The following NEGR1 variants were observed in gnomAD, a reference collection of about 807,000 sequenced individuals.
The protein encoded by NEGR1 is IgLON family member 4.
NEGR1 carries 10 observed loss-of-function variants against 40.9 expected under a neutral mutation model. The observed-to-expected ratio is 0.24, with a 90% CI of 0.15 to 0.42. The LOEUF (loss-of-function observed/expected upper bound fraction) is 0.42. NEGR1 is among the 10% of genes least tolerant of loss of function. The pLI, the probability that NEGR1 is intolerant of heterozygous loss-of-function variation, is 1.00. For synonymous variants in NEGR1, 185 were observed against 166.8 expected (o/e 1.11, Z -0.84); for missense variants, 352 against 438.9 (o/e 0.80, Z 1.77).
At chr1:72,260,212 T>C (rs1182314481) in intron 1 of NEGR1, among the ~76,000 whole-genome samples, 2 of 152,054 alleles carry the variant, frequency 1.3e-5, no homozygotes, top group East Asian at 1.9e-4. Context: ...CTTTGAAATC[T>C]GTGAACTTAA....
At chr1:72,271,835 T>C (rs1655854829) in intron 1 of NEGR1, among the ~76,000 whole-genome samples, 1 of 151,824 alleles carries the variant, frequency 6.6e-6, no homozygotes, top group African/African-American at 2.4e-5. Context: ...ATTCTCATGA[T>C]AATGAATAAG....
intron 1 of NEGR1, among the ~76,000 whole-genome samples, chr1:72,071,814 G>A (rs1272252754): frequency 6.6e-6 from 1 of 152,004 alleles, no homozygotes; most frequent in Non-Finnish European, 1.5e-5. Context: ...TTCAAACACT[G>A]TCCTCAAAAT....
intron 3 of NEGR1, among the ~76,000 whole-genome samples, chr1:71,741,116 C>T (rs4147264): frequency 0.38 from 57,453 of 152,046 alleles, 11,230 homozygotes; most frequent in East Asian, 0.6. Flanking sequence ...TATACCAAAT[C>T]TCAGAGCATT....
In NEGR1 at chr1:71,593,024, T is replaced by C. The variant is rs1200411675; in HGVS notation, c.789-56A>G. The C allele has an allele frequency of 2.2e-6, 3 of 1,352,534 alleles. No individual in the cohort carries two copies. The African/African-American group carries it at 4.3e-5, about 19-fold the overall frequency. 83.8% of individuals were successfully genotyped at this position (1,352,534 alleles called of 1,614,324 possible). A position where few individuals can be genotyped will look rare whatever the true frequency, so the allele number is the denominator to read the frequency against. On this transcript the variant is annotated intron_variant, in intron 5 of 6. Coordinates refer to ENST00000357731, the MANE Select transcript of NEGR1 (RefSeq NM_173808.3). Reference sequence around the variant, plus strand: ...TGTATTGTGAATACCAGTTTCATTTTTTTATCTTAGCTGGGGTTGTCATGG... The same window carrying C: ...TGTATTGTGAATACCAGTTTCATTTCTTTATCTTAGCTGGGGTTGTCATGG...
intron 6 of NEGR1, among the ~76,000 whole-genome samples, chr1:71,510,379 C>A (rs1224046503): frequency 6.6e-6 from 1 of 151,854 alleles, no homozygotes; most frequent in Admixed American, 6.6e-5. Flanking sequence ...AAAATGAGAC[C>A]AAAGAAAGTA....
chr1:71,452,839 C>T (rs74089361), intron 6 of NEGR1, among the ~76,000 whole-genome samples: 5,242 of 150,998 alleles, frequency 0.035, 319 homozygotes, highest in African/African-American at 0.12. Context: ...CAACAGATAA[C>T]AGTGCCACCT....
At chr1:72,126,988 C>T (rs968118405) in intron 1 of NEGR1, among the ~76,000 whole-genome samples, 1 of 152,192 alleles carries the variant, frequency 6.6e-6, no homozygotes, top group Admixed American at 6.5e-5. Flanking sequence ...TGGAGGGAGT[C>T]ACTATCTGTC....
chr1:72,073,165 A>G (rs1165188649), intron 1 of NEGR1, among the ~76,000 whole-genome samples: 2 of 152,104 alleles, frequency 1.3e-5, no homozygotes, highest in African/African-American at 4.8e-5. Flanking sequence ...GAGTCAGGAT[A>G]GGCCTTCATA....
intron 3 of NEGR1, among the ~76,000 whole-genome samples, chr1:71,726,038 T>A (rs907237899): frequency 6.6e-6 from 1 of 152,162 alleles, no homozygotes; most frequent in African/African-American, 2.4e-5. Context: ...ATACTGATGC[T>A]TGGAAAGAAT....
intron 1 of NEGR1, among the ~76,000 whole-genome samples, chr1:71,994,193 T>A (rs865836192): frequency 3.3e-5 from 5 of 152,158 alleles, no homozygotes; most frequent in African/African-American, 7.2e-5. Context: ...CTTTTAGAAT[T>A]ATGAGCCTAA....
intron 1 of NEGR1, among the ~76,000 whole-genome samples, chr1:72,188,010 A>C (rs1652673120): frequency 6.6e-6 from 1 of 151,410 alleles, no homozygotes; most frequent in Non-Finnish European, 1.5e-5. Context: ...GAAGAGTTTA[A>C]TACTCTCACC....
At chr1:72,276,539 T>C (rs1240865589) in intron 1 of NEGR1, among the ~76,000 whole-genome samples, 1 of 152,190 alleles carries the variant, frequency 6.6e-6, no homozygotes, top group Non-Finnish European at 1.5e-5. Context: ...ACTGAAATTA[T>C]TAAATGATAT....
intron 2 of NEGR1, among the ~76,000 whole-genome samples, chr1:71,835,191 A>G (rs1658984653): frequency 6.6e-6 from 1 of 152,106 alleles, no homozygotes; most frequent in Non-Finnish European, 1.5e-5. Context: ...GAGAAAAATA[A>G]ATGTCCCCAG....
At chr1:71,454,140 C>T (rs897420626) in intron 6 of NEGR1, among the ~76,000 whole-genome samples, 1 of 152,060 alleles carries the variant, frequency 6.6e-6, no homozygotes, top group Admixed American at 6.6e-5. Context: ...TATTCTCCAC[C>T]CACCTTAACA....
At chr1:71,457,590 C>T (rs982590583) in intron 6 of NEGR1, among the ~76,000 whole-genome samples, 14 of 152,150 alleles carry the variant, frequency 9.2e-5, no homozygotes, top group African/African-American at 2.7e-4. Flanking sequence ...GCGAATTCAG[C>T]GAGGACATTA....
chr1:71,505,635 G>A (rs925008397), intron 6 of NEGR1, among the ~76,000 whole-genome samples: 2 of 152,156 alleles, frequency 1.3e-5, no homozygotes, highest in African/African-American at 4.8e-5. Context: ...TCAGTGTGGT[G>A]GATCTAAACG....
intron 2 of NEGR1, among the ~76,000 whole-genome samples, chr1:71,807,108 G>C (rs753810527): frequency 3.9e-5 from 6 of 151,904 alleles, no homozygotes; most frequent in Non-Finnish European, 7.4e-5. Flanking sequence ...GTGTTAGCCA[G>C]GATGGTCTCA....
chr1:71,896,363 T>C (rs1225309367), intron 2 of NEGR1, among the ~76,000 whole-genome samples: 1 of 152,206 alleles, frequency 6.6e-6, no homozygotes, highest in African/African-American at 2.4e-5. Context: ...GGAATTTCTA[T>C]TCAAATTATT....
At chr1:71,726,118 G>A (rs1021822526) in intron 3 of NEGR1, among the ~76,000 whole-genome samples, 3 of 152,118 alleles carry the variant, frequency 2.0e-5, no homozygotes, top group Admixed American at 6.6e-5. Flanking sequence ...CAGTACTTAC[G>A]TGATCCTTAT....
Sources: gnomAD v4.1 joint callset for allele counts (sites outside exome capture counted in the v4.1 genomes callset) on GRCh38, gnomAD v4.1.1 for gene constraint, MANE v1.5 for transcripts, NCBI Gene and HGNC (gene_info 2026-07-23, HGNC 2026-07-21) for gene names.